The following DGKB variants were observed in gnomAD, a reference collection of about 807,000 sequenced individuals.
The protein encoded by DGKB is 90 kDa diacylglycerol kinase.
In DGKB, 67 loss-of-function variants were observed where a neutral mutation model predicts 114.3. The ratio of observed to expected loss-of-function variants is 0.59; its 90% CI spans 0.48 to 0.72. DGKB has a LOEUF of 0.72. Ranked by LOEUF, DGKB falls within the 30% of genes least tolerant of loss-of-function variation. DGKB has a pLI of 0.00. For synonymous variants in DGKB, 398 were observed against 323.1 expected (o/e 1.23, Z -2.49); for missense variants, 907 against 975.2 (o/e 0.93, Z 0.93).
At chr7:14,345,739 A>G (rs1381961860) in intron 21 of DGKB, among the ~76,000 whole-genome samples, 1 of 151,750 alleles carries the variant, frequency 6.6e-6, no homozygotes, top group Non-Finnish European at 1.5e-5. Flanking sequence ...GATACAGCAT[A>G]AAGTTTTTTA....
chr7:14,490,586 T>A (rs1784462268), intron 20 of DGKB, among the ~76,000 whole-genome samples: 1 of 152,260 alleles, frequency 6.6e-6, no homozygotes, highest in African/African-American at 2.4e-5. Flanking sequence ...TCCTGAAAGT[T>A]GAAAAGGGGG....
chr7:14,214,984 C>CA (rs1788720573), intron 23 of DGKB, among the ~76,000 whole-genome samples: 7 of 152,298 alleles, frequency 4.6e-5, no homozygotes, highest in African/African-American at 1.7e-4. Context: ...TTAGTAAGCA[C>CA]TGTCTATGTG....
At chr7:14,800,763 A>G (rs550441996) in intron 2 of DGKB, among the ~76,000 whole-genome samples, 23 of 152,278 alleles carry the variant, frequency 1.5e-4, no homozygotes, top group African/African-American at 5.5e-4. Context: ...ATGCCTTTGA[A>G]TCAACAGGCA....
intron 6 of DGKB, among the ~76,000 whole-genome samples, chr7:14,717,847 G>A (rs1479507764): frequency 3.9e-5 from 6 of 152,044 alleles, no homozygotes; most frequent in Non-Finnish European, 4.4e-5. Flanking sequence ...CAAATGATCA[G>A]GTTTAGAGTA....
chr7:14,524,954 A>T (rs1790410186), intron 20 of DGKB, among the ~76,000 whole-genome samples: 1 of 150,820 alleles, frequency 6.6e-6, no homozygotes, highest in African/African-American at 2.5e-5. Flanking sequence ...TAATTTCTGC[A>T]ATATATATAA....
chr7:14,857,230 CTT>C (rs1329532228), intron 1 of DGKB, among the ~76,000 whole-genome samples: 4 of 95,606 alleles, frequency 4.2e-5, no homozygotes, highest in Non-Finnish European at 8.1e-5. Context: ...CTCTCTCTCT[CTT>C]CCACCCAACC....
intron 20 of DGKB, among the ~76,000 whole-genome samples, chr7:14,504,003 C>A (rs1786621860): frequency 6.6e-6 from 1 of 152,114 alleles, no homozygotes; most frequent in Non-Finnish European, 1.5e-5. Context: ...AAAACAAACA[C>A]AACCAAAAAG....
At chr7:14,958,944 T>C (rs1428936425) in intron 1 of DGKB, among the ~76,000 whole-genome samples, 2 of 152,044 alleles carry the variant, frequency 1.3e-5, no homozygotes, top group Non-Finnish European at 2.9e-5. Context: ...AATATCAGAA[T>C]CCAAATAAAA....
At position 14,431,041 on chromosome 7, in the gene DGKB, G is replaced by C. The variant is rs1204501773; in HGVS notation, c.1835+47120C>G. Among the ~76,000 whole-genome samples, 5 of 151,962 alleles carry C rather than the reference G, an allele frequency of 3.3e-5. No individual in the cohort carries two copies. In the East Asian group the frequency reaches 9.7e-4, roughly 29 times the overall value. On this transcript the variant is annotated intron_variant, in intron 21 of 25. Transcript: ENST00000402815. ...GCCTTCTTGTTTTGATCTTTCAGGCGATGTGACTTTCCTGGCTATAGTTGC... is the reference window on the plus strand; with the variant it reads ...GCCTTCTTGTTTTGATCTTTCAGGCCATGTGACTTTCCTGGCTATAGTTGC...
intron 1 of DGKB, among the ~76,000 whole-genome samples, chr7:14,938,962 C>A (rs56117155): frequency 0.2 from 31,027 of 151,988 alleles, 4,782 homozygotes; most frequent in East Asian, 0.65. Flanking sequence ...ATCACAGTGA[C>A]CACCTAACAC....
chr7:14,693,121 T>G (rs551519657), intron 9 of DGKB, among the ~76,000 whole-genome samples: 2 of 152,268 alleles, frequency 1.3e-5, no homozygotes, highest in Admixed American at 1.3e-4. Flanking sequence ...TAATAAGAAG[T>G]ATGAAGAGTT....
chr7:14,794,189 C>A (rs1562551720), intron 2 of DGKB, among the ~76,000 whole-genome samples: 3 of 152,180 alleles, frequency 2.0e-5, no homozygotes, highest in African/African-American at 7.2e-5. Flanking sequence ...GATTTTGGAA[C>A]CAAGAGTGGT....
intron 20 of DGKB, among the ~76,000 whole-genome samples, chr7:14,530,356 C>T (rs1261779530): frequency 6.6e-6 from 1 of 151,476 alleles, no homozygotes; most frequent in Non-Finnish European, 1.5e-5. Flanking sequence ...CAAGGCTTGT[C>T]ATTCTGTATA....
chr7:14,487,879 T>C (rs999061560), intron 20 of DGKB, among the ~76,000 whole-genome samples: 17 of 151,974 alleles, frequency 1.1e-4, no homozygotes, highest in Non-Finnish European at 1.5e-5. Flanking sequence ...TCCAAAAGTG[T>C]TGGAATTAAC....
rs774438526 is a variant in DGKB at position 14,630,280 on chromosome 7, GAGA to G, written c.1135-15_1135-13del. The G allele has an allele frequency of 6.4e-7, 1 of 1,552,648 alleles. No individual in the cohort carries two copies. Among genetic ancestry groups the G allele is most frequent in the South Asian group, 1.2e-5 (1 of 82,418 alleles). ...GAAGTGGGCAGAGTCTGCTGAAAAA[GAGA>G]AGTTCATATGAAAGCTGAAAAAGAG... On this transcript the variant is annotated splice_polypyrimidine_tract_variant and intron_variant, in intron 13 of 25. Coordinates refer to ENST00000402815, the MANE Select transcript of DGKB (RefSeq NM_001350709.2).
At chr7:14,262,341 A>AG (rs1172092860) in intron 23 of DGKB, among the ~76,000 whole-genome samples, 1 of 152,202 alleles carries the variant, frequency 6.6e-6, no homozygotes, top group Non-Finnish European at 1.5e-5. Context: ...TTAGGTCATG[A>AG]GGGTAGGACT....
At chr7:14,421,294 T>C (rs1563149074) in intron 21 of DGKB, among the ~76,000 whole-genome samples, 1 of 152,120 alleles carries the variant, frequency 6.6e-6, no homozygotes, top group African/African-American at 2.4e-5. Flanking sequence ...TGCATGCTGT[T>C]CAAATCCTTG....
chr7:14,377,373 A>C (rs981586623), intron 21 of DGKB, among the ~76,000 whole-genome samples: 1 of 152,232 alleles, frequency 6.6e-6, no homozygotes, highest in African/African-American at 2.4e-5. Context: ...GAGAGAAAGA[A>C]AAAAGAAAAT....
At chr7:14,569,443 G>A (rs747475391) in intron 20 of DGKB, among the ~76,000 whole-genome samples, 16 of 152,182 alleles carry the variant, frequency 1.1e-4, no homozygotes, top group Middle Eastern at 3.4e-3. Flanking sequence ...TAAGTCTGGC[G>A]TGTACTTATA....
Sources: allele counts gnomAD v4.1 joint callset (sites outside exome capture counted in the v4.1 genomes callset), GRCh38; gene constraint gnomAD v4.1.1; transcripts MANE v1.5; gene names NCBI Gene and HGNC (gene_info 2026-07-23, HGNC 2026-07-21).